GRIA4: variants seen among roughly 807,000 people sequenced by gnomAD.
The protein encoded by GRIA4 is glutamate receptor 4.
A neutral mutation model predicts 104.0 loss-of-function variants in GRIA4; 34 were observed. The ratio of observed to expected loss-of-function variants is 0.33; its 90% CI spans 0.25 to 0.44. The LOEUF is 0.44. Among genes scored for constraint, GRIA4 ranks in the 20% least tolerant of loss-of-function variants. The probability of loss-of-function intolerance (pLI) is 1.00; values close to 1 mark genes in which losing one functional copy is unlikely to be tolerated. For missense variants in GRIA4, 750 were observed against 1,096.5 expected (o/e 0.68, Z 4.46); for synonymous variants, 386 against 381.9 (o/e 1.01, Z -0.13).
intron 3 of GRIA4, among the ~76,000 whole-genome samples, chr11:105,688,952 TA>T (rs551820465): frequency 5.3e-5 from 8 of 150,422 alleles, no homozygotes; most frequent in South Asian, 2.1e-4. Flanking sequence ...AGTTGACACC[TA>T]AAAAAAAATG....
At chr11:105,844,812 A>ACTATTG (rs1944525243) in intron 4 of GRIA4, among the ~76,000 whole-genome samples, 1 of 152,198 alleles carries the variant, frequency 6.6e-6, no homozygotes. Context: ...TATTGCACAC[A>ACTATTG]CACAAACACA....
At chr11:105,745,469 A>G (rs1939598338) in intron 3 of GRIA4, among the ~76,000 whole-genome samples, 2 of 152,166 alleles carry the variant, frequency 1.3e-5, no homozygotes, top group Non-Finnish European at 2.9e-5. Flanking sequence ...TAGAAGAGGT[A>G]AAGTGACAGA....
At chr11:105,917,610 C>T (rs1487893696) in intron 10 of GRIA4, among the ~76,000 whole-genome samples, 1 of 152,018 alleles carries the variant, frequency 6.6e-6, no homozygotes, top group African/African-American at 2.4e-5. Context: ...AATATGAATA[C>T]ATTATCTCAA....
At chr11:105,814,605 T>C (rs1943303084) in intron 4 of GRIA4, among the ~76,000 whole-genome samples, 1 of 152,100 alleles carries the variant, frequency 6.6e-6, no homozygotes, top group African/African-American at 2.4e-5. Context: ...ATAAAATGCG[T>C]AGTAGAGTGA....
intron 3 of GRIA4, among the ~76,000 whole-genome samples, chr11:105,649,217 AG>A (rs1951618532): frequency 6.6e-6 from 1 of 152,212 alleles, no homozygotes; most frequent in Non-Finnish European, 1.5e-5. Flanking sequence ...ATGCATTAGT[AG>A]TAATATATTA....
intron 11 of GRIA4, among the ~76,000 whole-genome samples, chr11:105,920,341 CT>C (rs1383686533): frequency 6.6e-6 from 1 of 152,108 alleles, no homozygotes; most frequent in Non-Finnish European, 1.5e-5. Context: ...ATATTTTAAA[CT>C]TTTGATACAG....
In GRIA4 at chr11:105,664,202, G is replaced by A. The variant is rs371010431; in HGVS notation, c.247+51768G>A. Among the ~76,000 whole-genome samples, 3 of 149,732 alleles carry A rather than the reference G, an allele frequency of 2.0e-5. No homozygotes were observed. The East Asian group carries it at 5.9e-4, about 29-fold the overall frequency. ...CTAGTCATGTGCGTGATTAGGAAAG[G>A]TCTCTCATATGAAGTCACATCTTTA... On this transcript the variant is annotated intron_variant, in intron 3 of 16. Transcript: ENST00000282499.
chr11:105,921,810 G>A (rs1214393626), intron 11 of GRIA4, among the ~76,000 whole-genome samples: 4 of 152,208 alleles, frequency 2.6e-5, no homozygotes, highest in African/African-American at 9.6e-5. Context: ...TGTTGGTACA[G>A]GAGGATGACT....
intron 14 of GRIA4, among the ~76,000 whole-genome samples, chr11:105,963,435 TA>T (rs1204972460): frequency 5.3e-5 from 8 of 152,118 alleles, no homozygotes; most frequent in Admixed American, 2.0e-4. Context: ...CAGACACTTT[TA>T]ACATGCACGG....
intron 5 of GRIA4, 38 bp downstream of exon 5, chr11:105,862,246 T>C (rs747241534): frequency 3.3e-6 from 4 of 1,204,132 alleles, no homozygotes; most frequent in East Asian, 2.4e-5. Context: ...CTAGACCCTA[T>C]ACAGAAAAAT....
chr11:105,799,815 G>T (rs2135832249), intron 4 of GRIA4, among the ~76,000 whole-genome samples: 2 of 152,154 alleles, frequency 1.3e-5, no homozygotes, highest in East Asian at 3.9e-4. Context: ...TTAAGAAAGG[G>T]AATGGACTAG....
intron 3 of GRIA4, among the ~76,000 whole-genome samples, chr11:105,735,595 C>T (rs1218001339): frequency 6.6e-6 from 1 of 152,056 alleles, no homozygotes; most frequent in African/African-American, 2.4e-5. Flanking sequence ...AAAATTGTTC[C>T]TTCTATTTGA....
chr11:105,862,005 CTT>C lies in GRIA4; in HGVS notation c.488-11_488-10del. The C allele has an allele frequency of 6.5e-7, 1 of 1,534,378 alleles. No individual in the cohort carries two copies. The highest frequency in any genetic ancestry group is 9.0e-7 in the Non-Finnish European group (1 of 1,115,748). Reference sequence around the variant, plus strand: ...GGGAGTAAAAGCATGTTTTTAGTAACTTTTTTTTTCCCCAATAGGATACTCGA... The same window carrying C: ...GGGAGTAAAAGCATGTTTTTAGTAACTTTTTTTCCCCAATAGGATACTCGA... On this transcript the variant is annotated splice_polypyrimidine_tract_variant and intron_variant, in intron 4 of 16. Coordinates refer to ENST00000282499, the MANE Select transcript of GRIA4 (RefSeq NM_000829.4).
intron 4 of GRIA4, among the ~76,000 whole-genome samples, chr11:105,820,942 G>A (rs766526534): frequency 2.0e-5 from 3 of 152,094 alleles, no homozygotes; most frequent in Non-Finnish European, 4.4e-5. Flanking sequence ...ACAGAAGAGC[G>A]AAAACTTCCC....
At chr11:105,696,793 T>C (rs1953294064) in intron 3 of GRIA4, among the ~76,000 whole-genome samples, 1 of 152,102 alleles carries the variant, frequency 6.6e-6, no homozygotes, top group Non-Finnish European at 1.5e-5. Context: ...AAACAGAGTT[T>C]TGCTCTAATC....
intron 3 of GRIA4, among the ~76,000 whole-genome samples, chr11:105,627,745 G>C (rs1012432859): frequency 6.6e-6 from 1 of 152,234 alleles, no homozygotes; most frequent in Admixed American, 6.5e-5. Context: ...GGTTGGAAAA[G>C]AGCTGGCATT....
chr11:105,696,245 C>T (rs550894854), intron 3 of GRIA4, among the ~76,000 whole-genome samples: 1 of 152,286 alleles, frequency 6.6e-6, no homozygotes, highest in East Asian at 1.9e-4. Flanking sequence ...TTGACCTTGG[C>T]TCACACAGTG....
intron 3 of GRIA4, among the ~76,000 whole-genome samples, chr11:105,615,853 G>A (rs1196680789): frequency 6.6e-6 from 1 of 151,608 alleles, no homozygotes; most frequent in Non-Finnish European, 1.5e-5. Context: ...TTGACCAAGA[G>A]TAATAACAAA....
chr11:105,636,445 T>A (rs558780893), intron 3 of GRIA4, among the ~76,000 whole-genome samples: 5 of 152,188 alleles, frequency 3.3e-5, no homozygotes, highest in Non-Finnish European at 5.9e-5. Flanking sequence ...TCCTTTACTT[T>A]CCTTACCCTA....
Sources: allele counts gnomAD v4.1 joint callset (sites outside exome capture counted in the v4.1 genomes callset), GRCh38; gene constraint gnomAD v4.1.1; transcripts MANE v1.5; gene names NCBI Gene and HGNC (gene_info 2026-07-23, HGNC 2026-07-21).